Variants in USP42 observed in about 807,000 individuals in gnomAD.
The protein encoded by USP42 is ubiquitin carboxyl-terminal hydrolase 42.
A neutral mutation model predicts 113.0 loss-of-function variants in USP42; 23 were observed. The ratio of observed to expected loss-of-function variants is 0.20; its 90% CI spans 0.15 to 0.29. The LOEUF is 0.29. Among genes scored for constraint, USP42 ranks in the 10% least tolerant of loss-of-function variants. The pLI, the probability that USP42 is intolerant of heterozygous loss-of-function variation, is 1.00. For missense variants in USP42, 2,174 were observed against 1,779.8 expected (o/e 1.22, Z -3.99); for synonymous variants, 933 against 699.0 (o/e 1.33, Z -5.28).
At chr7:6,151,718 C>T (rs938878619) in intron 14 of USP42, among the ~76,000 whole-genome samples, 6 of 152,234 alleles carry the variant, frequency 3.9e-5, no homozygotes, top group Non-Finnish European at 8.8e-5. Context: ...GCTGGGATTC[C>T]AGACGTGAGC....
Position 6,159,082 on chromosome 7 carries a change from A to C in USP42, c.3944-368A>C, listed in dbSNP as rs1782625459. Among the ~76,000 whole-genome samples, 1 of 152,094 alleles carries C rather than the reference A, an allele frequency of 6.6e-6. No homozygotes were observed. The highest frequency in any genetic ancestry group is 2.4e-5 in the African/African-American group (1 of 41,420). On this transcript the variant is annotated intron_variant, in intron 16 of 17. Transcript: ENST00000306177. The surrounding 1 kb of genome is among the most constrained non-coding windows in gnomAD (Gnocchi z 4.1). The stretch of plus-strand genomic sequence containing the variant: ...GCCGCTGCCCGGCCCCGCCTCACCC[A>C]GCGTCCTGTGGTCCTGCGGGTCCCC...
the USP42 span, among the ~76,000 whole-genome samples, chr7:6,086,569 C>G: frequency 6.6e-6 from 1 of 150,772 alleles, no homozygotes; most frequent in South Asian, 2.1e-4. Flanking sequence ...ATGCTGGTTT[C>G]AAACTCCTGA....
At chr7:6,137,359 T>G (rs1186174873) in intron 4 of USP42, among the ~76,000 whole-genome samples, 1 of 152,362 alleles carries the variant, frequency 6.6e-6, no homozygotes, top group Admixed American at 6.5e-5. Flanking sequence ...ATGCATGCAT[T>G]CATTCATCCA....
the USP42 span, among the ~76,000 whole-genome samples, chr7:6,092,735 C>T: frequency 6.6e-6 from 1 of 151,152 alleles, no homozygotes; most frequent in African/African-American, 2.5e-5. Flanking sequence ...TGGGATCTGT[C>T]TCCTAAAAAC....
At chr7:6,156,652 C>T in intron 15 of USP42, 102 bp from the exon 16 acceptor site, 1 of 1,438,712 alleles carries the variant, frequency 7.0e-7, no homozygotes, top group Non-Finnish European at 9.1e-7. Flanking sequence ...CGTGTCTGCA[C>T]AGTGAATGTT....
At chr7:6,117,008 TTCTC>T (rs933706847) in intron 3 of USP42, 4 of 392,754 alleles carry the variant, frequency 1.0e-5, no homozygotes, top group South Asian at 8.1e-5. Context: ...CTCCCTCTCT[TTCTC>T]TCTCTCTTTT....
At chr7:6,141,396 G>A (rs958863585) in intron 7 of USP42, among the ~76,000 whole-genome samples, 1 of 151,192 alleles carries the variant, frequency 6.6e-6, no homozygotes, top group Admixed American at 6.6e-5. Context: ...GTAGAGATGG[G>A]GTTTCACCTA....
the USP42 span, among the ~76,000 whole-genome samples, chr7:6,089,150 T>C: frequency 6.6e-6 from 1 of 150,720 alleles, no homozygotes; most frequent in Non-Finnish European, 1.5e-5. Context: ...GTTCACGCCA[T>C]TCTCCTGCCT....
intron 3 of USP42, among the ~76,000 whole-genome samples, chr7:6,132,759 C>A (rs181916807): frequency 6.6e-6 from 1 of 152,010 alleles, no homozygotes; most frequent in South Asian, 2.1e-4. Flanking sequence ...GCAACCTCCG[C>A]CTCCCGGGTT....
the USP42 span, among the ~76,000 whole-genome samples, chr7:6,086,835 C>G: frequency 6.0e-5 from 9 of 150,714 alleles, no homozygotes; most frequent in Non-Finnish European, 1.5e-5. Flanking sequence ...AAGCAATTCT[C>G]CTACCTCAGC....
At position 6,150,321 on chromosome 7, in the gene USP42, C is replaced by A. The variant is rs774508720; in HGVS notation, c.2106+19C>A. On this transcript the variant is annotated intron_variant, in intron 13 of 17. Coordinates refer to ENST00000306177, the MANE Select transcript of USP42 (RefSeq NM_032172.3). ...TGGAAAGGTGAGTGCACGTCAGGGT[C>A]TTCAGCCTCGTTTGTGGCGGTTCCC... 2 of 1,611,422 alleles carry A rather than the reference C, an allele frequency of 1.2e-6. No homozygotes were observed. Among genetic ancestry groups the A allele is most frequent in the East Asian group, 4.5e-5 (2 of 44,842 alleles).
upstream of USP42, among the ~76,000 whole-genome samples, chr7:6,103,946 T>C (rs551450030): frequency 4.0e-5 from 6 of 151,022 alleles, no homozygotes; most frequent in Admixed American, 3.9e-4. Context: ...TAAGTGGGCG[T>C]GGTAGCGCGC....
rs761583358 is a variant in USP42, at chr7:6,140,118, C to T, written c.657-10C>T. ...GCTCTTCTCTCATGTCACTGTTCAA[C>T]GTTTTTCAGATTAGACAGACACACC... On this transcript the variant is annotated splice_polypyrimidine_tract_variant and intron_variant, in intron 5 of 17. Transcript: ENST00000306177. 5.6e-6 allele frequency: 9 copies of T among 1,613,420 alleles called. No homozygotes were observed. Among genetic ancestry groups the T allele is most frequent in the East Asian group, 4.5e-5 (2 of 44,900 alleles).
Position 6,158,939 on chromosome 7 carries a change from C to T in USP42, c.3944-511C>T, listed in dbSNP as rs919152921. Among the ~76,000 whole-genome samples, 15 of 149,122 alleles carry T rather than the reference C, an allele frequency of 1.0e-4. No homozygotes were observed. Among genetic ancestry groups the T allele is most frequent in the Non-Finnish European group, 2.2e-4 (15 of 67,800 alleles). On this transcript the variant is annotated intron_variant, in intron 16 of 17. Coordinates refer to ENST00000306177, the MANE Select transcript of USP42 (RefSeq NM_032172.3). The surrounding 1 kb of genome is among the most constrained non-coding windows in gnomAD (Gnocchi z 4.2). ...TCGTGTCTCGGGTGCTGTGGTCAGG[C>T]GTTGTCTGTGTGGTGGCCCTGTGTT... is the stretch of plus-strand genomic sequence containing the variant.
At chr7:6,130,652 A>G (rs138610344) in intron 3 of USP42, among the ~76,000 whole-genome samples, 98 of 152,258 alleles carry the variant, frequency 6.4e-4, no homozygotes, top group African/African-American at 2.1e-3. Context: ...GTGTAAGTCA[A>G]GGCTGTTTAC....
chr7:6,102,676 G>A (rs1345116887), upstream of USP42, among the ~76,000 whole-genome samples: 1 of 150,832 alleles, frequency 6.6e-6, no homozygotes, highest in Non-Finnish European at 1.5e-5. Flanking sequence ...AGCATGGGTG[G>A]GCTTTCTACA....
At chr7:6,095,663 C>T in the USP42 span, among the ~76,000 whole-genome samples, 3 of 150,888 alleles carry the variant, frequency 2.0e-5, no homozygotes, top group African/African-American at 5.0e-5. Flanking sequence ...TGCAAGACTC[C>T]GTCTAAAAAA....
Position 6,159,581 on chromosome 7 carries a change from T to C in USP42, c.*36+88T>C. On this transcript the variant is annotated intron_variant, in intron 17 of 17. Transcript: ENST00000306177. This position sits in a 1 kb window ranked among gnomAD's most constrained non-coding sequence, Gnocchi z 4.1. ...GGAGTTTTAATTCTGCGGCTCTGCC[T>C]GGGGGCTGGGCTCATAGGAGTTGGC... The C allele has an allele frequency of 5.9e-6, 8 of 1,364,350 alleles. No individual in the cohort carries two copies. The highest frequency in any genetic ancestry group is 8.2e-6 in the Non-Finnish European group (8 of 972,156). 84.5% of individuals were successfully genotyped at this position (1,364,350 alleles called of 1,614,324 possible). A position where few individuals can be genotyped will look rare whatever the true frequency, so the allele number is the denominator to read the frequency against.
rs747479991 is a variant in USP42 at position 6,149,981 on chromosome 7, C to G, written c.1785C>G (p.Gly595=). 2 of 1,613,832 alleles carry G rather than the reference C, an allele frequency of 1.2e-6. No individual in the cohort carries two copies. Among genetic ancestry groups the G allele is most frequent in the Non-Finnish European group, 1.7e-6 (2 of 1,179,826 alleles). ...CCTGCTCCCAGCCCGTGATGAATGG[C>G]AAATCCAAGCTGAACTCCAGCGTGC... The part of the protein sequence containing the change: ...SESCSQPVMN[G]KSKLNSSVLV... Residue 595 remains glycine, a synonymous_variant, in exon 13 of 18, where the codon GGC becomes GGG. Transcript: ENST00000306177.
Sources: gnomAD v4.1 joint callset for allele counts (sites outside exome capture counted in the v4.1 genomes callset) on GRCh38, gnomAD v4.1.1 for gene constraint, Gnocchi (gnomAD v3.1) non-coding constraint, MANE v1.5 for transcripts, NCBI Gene and HGNC (gene_info 2026-07-23, HGNC 2026-07-21) for gene names.